SF1: variants seen among roughly 807,000 people sequenced by gnomAD.
SF1 encodes splicing factor 1.
SF1 carries 7 observed loss-of-function variants against 62.5 expected under a neutral mutation model. The ratio of observed to expected loss-of-function variants is 0.11; its 90% confidence interval spans 0.06 to 0.21. The LOEUF is 0.21. SF1 is among the 10% of genes least tolerant of loss of function. SF1 has a pLI of 1.00. For missense variants in SF1, 578 were observed against 884.0 expected, an observed-to-expected ratio of 0.65 and a Z score of 4.39; for synonymous variants, 394 against 323.6, an observed-to-expected ratio of 1.22 and a Z score of -2.33.
At chr11:64,777,527 G>GT (rs551987898) in intron 1 of SF1, 1 of 985,440 alleles carries the variant, frequency 1.0e-6, no homozygotes, top group Non-Finnish European at 1.2e-6. Flanking sequence ...CTGCCTTGCT[G>GT]TAGAAGCAGA....
At chr11:64,777,107 C>T (rs992347486) in intron 1 of SF1, among the ~76,000 whole-genome samples, 3 of 152,216 alleles carry the variant, frequency 2.0e-5, no homozygotes, top group Admixed American at 6.5e-5. Context: ...TACACCCTAC[C>T]AAGTGGGAAA....
intron 1 of SF1, 102 bp downstream of exon 1, chr11:64,778,260 G>C (rs1939734115): frequency 1.8e-5 from 22 of 1,203,534 alleles, no homozygotes; most frequent in Non-Finnish European, 2.3e-5. Flanking sequence ...GGCGGCCCGG[G>C]AGCCAGCAGC....
In SF1 at chr11:64,765,919, T is replaced by C. The variant is rs766996317; in HGVS notation, c.1819A>G (p.Met607Val). The C allele has an allele frequency of 5.3e-6, 8 of 1,506,858 alleles. No homozygotes were observed. Among genetic ancestry groups the C allele is most frequent in the South Asian group, 1.2e-5 (1 of 84,416 alleles). The allele number at this position is 1,506,858 out of a possible 1,614,324, so 93.3% of individuals were successfully genotyped here. A position where few individuals can be genotyped will look rare whatever the true frequency, so the allele number is the denominator to read the frequency against. Residue 607 changes from methionine (M) to valine (V), a missense_variant, in exon 13 of 13, where the codon ATG becomes GTG. By Grantham distance (21) the Met-to-Val change is conservative. Coordinates refer to ENST00000377390, the MANE Select transcript of SF1 (RefSeq NM_004630.4). ...YAPPPPPPPP[M>V]DPSNFVTMMG... ...ATGGTGACAAAGTTAGAAGGGTCCA[T>C]GGGAGGCGGAGGAGGAGGGGGCGGG...
chr11:64,775,129 A>G (rs1195974222), intron 2 of SF1, among the ~76,000 whole-genome samples: 1 of 152,148 alleles, frequency 6.6e-6, no homozygotes, highest in Non-Finnish European at 1.5e-5. Context: ...AGTCACCTTC[A>G]CTGAGGGGAG....
rs747151761 is a variant in SF1 at position 64,765,984 on chromosome 11, G to C, written c.1754C>G (p.Pro585Arg). ...PPLPPGAPPP[P>R]PPPPPGSAGM... ...GGCGGAACCAGGCGGTGGAGGCGGC[G>C]GAGGGGGAGGGGCCCCAGGCGGCAG... is the stretch of plus-strand genomic sequence containing the variant. The change falls in exon 13 of 13, where the codon CCG becomes CGG. Residue 585 changes from proline to arginine, a missense_variant. Pro to Arg is a moderately radical substitution (Grantham distance 103). Transcript: ENST00000377390. 6.2e-7 allele frequency: 1 copy of C among 1,600,992 alleles called. No homozygotes were observed. Among genetic ancestry groups the C allele is most frequent in the East Asian group, 2.3e-5 (1 of 44,314 alleles).
In SF1 at chr11:64,765,725, G is replaced by A. The variant is rs181459959; in HGVS notation, c.*93C>T. On this transcript the variant is annotated 3_prime_UTR_variant, in exon 13 of 13. Transcript: ENST00000377390. ...CGTGCACACACAATCACATGCGTGC[G>A]TCCCAATGTCTGGCTCCATATGGTG... The A allele has an allele frequency of 6.4e-4, 939 of 1,464,868 alleles. 2 individuals carry two copies. Among genetic ancestry groups the A allele is most frequent in the Middle Eastern group, 1.0e-3 (4 of 3,950 alleles). 90.7% of individuals were successfully genotyped at this position (1,464,868 alleles called of 1,614,324 possible).
At chr11:64,770,497 C>T (rs1469400604) in intron 3 of SF1, 89 bp from the exon 4 acceptor site, 3 of 1,401,994 alleles carry the variant, frequency 2.1e-6, no homozygotes, top group East Asian at 2.3e-5. Context: ...GCCCCTCTGC[C>T]TCTCAGACCC....
At chr11:64,771,615 A>G in intron 3 of SF1, 6 of 985,472 alleles carry the variant, frequency 6.1e-6, no homozygotes, top group Non-Finnish European at 6.0e-6. Context: ...AATGACGGCT[A>G]AATGACACCT....
At chr11:64,777,603 T>G (rs895560156) in intron 1 of SF1, 1 of 985,284 alleles carries the variant, frequency 1.0e-6, no homozygotes, top group Non-Finnish European at 1.2e-6. Context: ...CTGCACGTCA[T>G]CAGGTGAGGC....
chr11:64,767,489 G>A, intron 10 of SF1, 82 bp downstream of exon 10: 2 of 1,398,872 alleles, frequency 1.4e-6, no homozygotes, highest in Non-Finnish European at 1.9e-6. Context: ...CCACTTGAGA[G>A]CTGCTTCTAG....
chr11:64,771,588 CAG>C, intron 3 of SF1: 2 of 985,396 alleles, frequency 2.0e-6, no homozygotes, highest in Non-Finnish European at 2.4e-6. Flanking sequence ...AATAAAAGGT[CAG>C]GTTTGTTCAT....
intron 2 of SF1, among the ~76,000 whole-genome samples, chr11:64,774,458 C>A (rs992855334): frequency 6.6e-6 from 1 of 152,208 alleles, no homozygotes; most frequent in African/African-American, 2.4e-5. Context: ...GAATAACCAC[C>A]TGTTCCTTAC....
rs977843074 is a variant in SF1 at position 64,772,692 on chromosome 11, T to C, written c.236+738A>G. 8.1e-6 allele frequency: 8 copies of C among 985,236 alleles called. No homozygotes were observed. In the African/African-American group the frequency reaches 1.4e-4, roughly 17 times the overall value. 61.0% of individuals were successfully genotyped at this position (985,236 alleles called of 1,614,324 possible). ...TAGCTGTTCAATCAGCTAATAAAAT[T>C]CCAGTTTAAAAAAGTTCATCTCCCC... is the stretch of plus-strand genomic sequence containing the variant. On this transcript the variant is annotated intron_variant, in intron 3 of 12. Coordinates refer to ENST00000377390, the MANE Select transcript of SF1 (RefSeq NM_004630.4).
chr11:64,778,370 G>A lies in SF1; in HGVS notation c.23C>T (p.Thr8Met). ...GGGGGGGCCCAGCTTACCCAACGGC[G>A]TGGCGTTCGCTCCGGTCGCCATGGC... is the stretch of plus-strand genomic sequence containing the variant. The part of the protein sequence containing the change: MATGANA[T>M]PLDFPSKKRK... The change falls in exon 1 of 13, where the codon ACG becomes ATG. Residue 8 changes from threonine to methionine, a missense_variant. Coordinates refer to ENST00000377390, the MANE Select transcript of SF1 (RefSeq NM_004630.4). 8.1e-7 allele frequency: 1 copy of A among 1,227,952 alleles called. No individual in the cohort carries two copies. Among genetic ancestry groups the A allele is most frequent in the East Asian group, 3.2e-5 (1 of 31,220 alleles). 76.1% of individuals were successfully genotyped at this position (1,227,952 alleles called of 1,614,324 possible).
intron 8 of SF1, 69 bp from the exon 9 acceptor site, chr11:64,768,355 AGGAACCAACATAT>A: frequency 7.0e-7 from 1 of 1,435,042 alleles, no homozygotes; most frequent in Non-Finnish European, 9.7e-7. Context: ...TTTTATCCTG[AGGAACCAACATAT>A]GGAAAGTTCT....
intron 10 of SF1, 123 bp from the exon 11 acceptor site, chr11:64,767,374 G>T: frequency 8.9e-7 from 1 of 1,118,178 alleles, no homozygotes; most frequent in Non-Finnish European, 1.3e-6. Context: ...TAAAAGGCAG[G>T]TCTGTGCTTA....
At chr11:64,775,310 G>A (rs1185798772) in intron 2 of SF1, among the ~76,000 whole-genome samples, 1 of 152,178 alleles carries the variant, frequency 6.6e-6, no homozygotes, top group Admixed American at 6.5e-5. Context: ...CAGAAATGGA[G>A]ATATAAAGAA....
At chr11:64,778,301 C>T in intron 1 of SF1, 61 bp downstream of exon 1, 1 of 1,219,472 alleles carries the variant, frequency 8.2e-7, no homozygotes, top group Non-Finnish European at 1.0e-6. Flanking sequence ...AGGCGGAGGG[C>T]CCGGCTCGAA....
At chr11:64,776,750 T>A in intron 1 of SF1, 124 bp from the exon 2 acceptor site, 3 of 895,368 alleles carry the variant, frequency 3.4e-6, no homozygotes, top group Non-Finnish European at 5.0e-6. Flanking sequence ...AACCTAAAAC[T>A]TAAACATTAA....
Sources: allele counts gnomAD v4.1 joint callset (sites outside exome capture counted in the v4.1 genomes callset), GRCh38; gene constraint gnomAD v4.1.1; transcripts MANE v1.5; gene names NCBI Gene and HGNC (gene_info 2026-07-23, HGNC 2026-07-21).